Variants in FRAS1 observed in about 807,000 individuals in gnomAD.
FRAS1 encodes Fraser extracellular matrix complex subunit 1.
Under a neutral mutation model 435.2 loss-of-function variants are expected in FRAS1, and 290 were observed. The ratio of observed to expected loss-of-function variants is 0.67; its 90% CI spans 0.61 to 0.73. The LOEUF (loss-of-function observed/expected upper bound fraction) is 0.73. Ranked by LOEUF, FRAS1 falls within the 30% of genes least tolerant of loss-of-function variation. FRAS1 has a pLI of 0.00. For synonymous variants in FRAS1, 1,800 were observed against 1,851.0 expected (o/e 0.97, Z 0.71); for missense variants, 4,860 against 5,001.5 (o/e 0.97, Z 0.85).
At chr4:78,124,012 T>C (rs890576252) in intron 2 of FRAS1, among the ~76,000 whole-genome samples, 2 of 152,192 alleles carry the variant, frequency 1.3e-5, no homozygotes, top group African/African-American at 4.8e-5. Context: ...TCCAATACTA[T>C]GTTGGATAGG....
At chr4:78,321,246 G>A (rs961275427) in intron 18 of FRAS1, among the ~76,000 whole-genome samples, 32 of 152,138 alleles carry the variant, frequency 2.1e-4, no homozygotes, top group African/African-American at 7.2e-4. Flanking sequence ...GACAACTGTT[G>A]TCCAGGAGCA....
intron 35 of FRAS1, among the ~76,000 whole-genome samples, chr4:78,425,374 T>A (rs1246880999): frequency 1.3e-5 from 2 of 152,168 alleles, no homozygotes; most frequent in African/African-American, 4.8e-5. Context: ...GAGTCAGACC[T>A]GGTATCTATG....
chr4:78,254,517 C>A (rs879724027), intron 5 of FRAS1, among the ~76,000 whole-genome samples: 1 of 152,110 alleles, frequency 6.6e-6, no homozygotes. Flanking sequence ...AAAAAACCAA[C>A]CCTACAAGTG....
intron 2 of FRAS1, among the ~76,000 whole-genome samples, chr4:78,223,968 G>C (rs1010913298): frequency 6.6e-6 from 1 of 152,088 alleles, no homozygotes; most frequent in Non-Finnish European, 1.5e-5. Context: ...TTTATGTCAT[G>C]TGCCTTTATG....
chr4:78,406,835 G>C lies in FRAS1; in HGVS notation c.4130-828G>C, dbSNP rs941450258. Among the ~76,000 whole-genome samples, 5 of 152,162 alleles carry C rather than the reference G, an allele frequency of 3.3e-5. No homozygotes were observed. The South Asian group carries it at 1.0e-3, about 32-fold the overall frequency. ...GGGTGCCTGCCGTATGTCTTCCACT[G>C]TTAGCTATTACAAGTTGAGCATCCC... On this transcript the variant is annotated intron_variant, in intron 30 of 73. Coordinates refer to ENST00000512123, the MANE Select transcript of FRAS1 (RefSeq NM_025074.7).
intron 20 of FRAS1, among the ~76,000 whole-genome samples, chr4:78,362,506 G>A (rs1004730308): frequency 2.6e-5 from 4 of 152,182 alleles, no homozygotes; most frequent in African/African-American, 7.2e-5. Context: ...CTCCATGGGG[G>A]GCCTGCAGCC....
At chr4:78,173,445 G>T (rs886651257) in intron 2 of FRAS1, among the ~76,000 whole-genome samples, 2 of 152,108 alleles carry the variant, frequency 1.3e-5, no homozygotes, top group South Asian at 2.1e-4. Context: ...CCCGGAGGAG[G>T]TCCTTTACTC....
intron 71 of FRAS1, 140 bp downstream of exon 71, chr4:78,534,755 G>A: frequency 2.8e-6 from 2 of 721,310 alleles, no homozygotes; most frequent in Non-Finnish European, 4.5e-6. Flanking sequence ...TTCCAGGACA[G>A]CCAGGACTGA....
Position 78,284,515 on chromosome 4 carries a change from C to A in FRAS1, c.1366C>A (p.Leu456Met). 1 of 1,612,278 alleles carries A rather than the reference C, an allele frequency of 6.2e-7. No individual in the cohort carries two copies. The highest frequency in any genetic ancestry group is 1.7e-4 in the Middle Eastern group (1 of 6,058). Reference protein sequence around the residue: ...QNGWCVHSCGLGFYQAGSLCL... With the variant: ...QNGWCVHSCGMGFYQAGSLCL... The stretch of plus-strand genomic sequence containing the variant: ...TGGATGGTGTGTGCACAGCTGTGGA[C>A]TGGGTTTTTACCAAGCTGGCAGTCT... The change falls in exon 13 of 74, where the codon CTG (leucine) becomes ATG (methionine). Residue 456 changes from leucine to methionine, a missense_variant. Leu to Met is a conservative substitution (Grantham distance 15, BLOSUM62 2). Coordinates refer to ENST00000512123, the MANE Select transcript of FRAS1 (RefSeq NM_025074.7).
At chr4:78,376,885 G>A (rs1202503505) in intron 26 of FRAS1, among the ~76,000 whole-genome samples, 1 of 152,104 alleles carries the variant, frequency 6.6e-6, no homozygotes, top group Non-Finnish European at 1.5e-5. Flanking sequence ...CAGCTACTCA[G>A]GAGGCTAAGG....
intron 31 of FRAS1, among the ~76,000 whole-genome samples, chr4:78,409,980 G>C (rs1206110283): frequency 6.6e-6 from 1 of 152,192 alleles, no homozygotes; most frequent in Non-Finnish European, 1.5e-5. Context: ...AGATTATCCT[G>C]AGCACACTGA....
intron 68 of FRAS1, among the ~76,000 whole-genome samples, chr4:78,522,448 C>G (rs1721413698): frequency 6.6e-6 from 1 of 152,136 alleles, no homozygotes; most frequent in Non-Finnish European, 1.5e-5. Context: ...TGATGACCAT[C>G]ACAAGTAGGA....
At chr4:78,174,963 A>C (rs1316094009) in intron 2 of FRAS1, among the ~76,000 whole-genome samples, 1 of 152,242 alleles carries the variant, frequency 6.6e-6, no homozygotes, top group Admixed American at 6.5e-5. Context: ...GGTATTATTG[A>C]GGCAGAAAGG....
intron 9 of FRAS1, among the ~76,000 whole-genome samples, chr4:78,270,323 C>T (rs1476493795): frequency 6.6e-6 from 1 of 152,106 alleles, no homozygotes; most frequent in African/African-American, 2.4e-5. Context: ...CTATACCTTC[C>T]CTACCTAATC....
At chr4:78,149,901 G>C in intron 2 of FRAS1, among the ~76,000 whole-genome samples, 1 of 152,162 alleles carries the variant, frequency 6.6e-6, no homozygotes, top group Non-Finnish European at 1.5e-5. Flanking sequence ...TTGGCTGTGA[G>C]GGGTGATATG....
rs1189382351 is a variant in FRAS1, at chr4:78,061,723, C to A, written c.76+3638C>A. 3.3e-5 allele frequency among the ~76,000 whole-genome samples: 5 copies of A among 152,248 alleles called. No homozygotes were observed. The South Asian group carries it at 1.0e-3, about 32-fold the overall frequency. On this transcript the variant is annotated intron_variant, in intron 1 of 73. Transcript: ENST00000512123. Reference sequence around the variant, plus strand: ...TTGGCTGGAAAAAAGTAACCTAATTCTTTTATTCTGCAAGCCTTTATTGAG... The same window carrying A: ...TTGGCTGGAAAAAAGTAACCTAATTATTTTATTCTGCAAGCCTTTATTGAG...
intron 6 of FRAS1, among the ~76,000 whole-genome samples, chr4:78,258,607 G>A (rs1725908764): frequency 1.0e-5 from 1 of 100,406 alleles, no homozygotes; most frequent in Non-Finnish European, 2.1e-5. Context: ...TTGCATTCTT[G>A]TGGGATGTTT....
chr4:78,513,719 C>T (rs1258025053), intron 65 of FRAS1, among the ~76,000 whole-genome samples, 167 bp downstream of exon 65: 2 of 152,188 alleles, frequency 1.3e-5, no homozygotes, highest in African/African-American at 4.8e-5. Flanking sequence ...TCAGTCAATG[C>T]AGTGGACAGG....
chr4:78,239,331 T>A (rs1174574876), intron 3 of FRAS1, among the ~76,000 whole-genome samples: 2 of 152,132 alleles, frequency 1.3e-5, no homozygotes, highest in Admixed American at 1.3e-4. Flanking sequence ...AACAACCCCC[T>A]CCCAGCTCTT....
Sources: allele counts gnomAD v4.1 joint callset (sites outside exome capture counted in the v4.1 genomes callset), GRCh38; gene constraint gnomAD v4.1.1; transcripts MANE v1.5; gene names NCBI Gene and HGNC (gene_info 2026-07-23, HGNC 2026-07-21).